The following GRIA1 variants were observed in gnomAD, a reference collection of about 807,000 sequenced individuals.
The protein encoded by GRIA1 is glutamate ionotropic receptor AMPA type subunit 1.
Under a neutral mutation model 99.2 loss-of-function variants are expected in GRIA1, and 31 were observed. The ratio of observed to expected loss-of-function variants is 0.31; its 90% CI spans 0.23 to 0.42. The LOEUF (loss-of-function observed/expected upper bound fraction) is 0.42. GRIA1 is among the 10% of genes least tolerant of loss of function. The probability of loss-of-function intolerance (pLI) is 1.00; values close to 1 mark genes in which losing one functional copy is unlikely to be tolerated. For missense variants in GRIA1, 782 were observed against 1,157.5 expected, an observed-to-expected ratio of 0.68 and a Z score of 4.71; for synonymous variants, 438 against 432.4, an observed-to-expected ratio of 1.01 and a Z score of -0.16.
intron 5 of GRIA1, among the ~76,000 whole-genome samples, chr5:153,659,246 A>G (rs1755184673): frequency 1.3e-5 from 2 of 152,210 alleles, no homozygotes; most frequent in Admixed American, 1.3e-4. Context: ...ACATATTCAC[A>G]TATGGTGTGT....
At chr5:153,646,840 A>T in intron 2 of GRIA1, 88 bp from the exon 3 acceptor site, 1 of 1,397,440 alleles carries the variant, frequency 7.2e-7, no homozygotes. Context: ...GATGGGTTGG[A>T]TGGATGAACT....
intron 5 of GRIA1, among the ~76,000 whole-genome samples, chr5:153,656,422 A>C (rs962457056): frequency 1.4e-4 from 13 of 95,906 alleles, no homozygotes; most frequent in African/African-American, 5.8e-4. Flanking sequence ...TATTTGTTTT[A>C]ATGTACTACA....
At chr5:153,759,071 T>C (rs1316594813) in intron 11 of GRIA1, among the ~76,000 whole-genome samples, 1 of 151,256 alleles carries the variant, frequency 6.6e-6, no homozygotes, top group Admixed American at 6.6e-5. Flanking sequence ...TATGAAAACC[T>C]ATGAGATACA....
In GRIA1 at chr5:153,641,131, C is replaced by A. The variant is rs144623094; in HGVS notation, c.221-5797C>A. ...AATTATTCCAGGAGGGGAATGAGTGCCTGAAAGTCCCCCCATTCACACATA... is the reference window on the plus strand; with the variant it reads ...AATTATTCCAGGAGGGGAATGAGTGACTGAAAGTCCCCCCATTCACACATA... On this transcript the variant is annotated intron_variant, in intron 2 of 15. Transcript: ENST00000285900. Among the ~76,000 whole-genome samples, 561 of 152,166 alleles carry A rather than the reference C, an allele frequency of 3.7e-3. 7 individuals are homozygous for A. Among genetic ancestry groups the A allele is most frequent in the African/African-American group, 0.013 (540 of 41,514 alleles).
intron 2 of GRIA1, among the ~76,000 whole-genome samples, chr5:153,517,026 A>G (rs1255570597): frequency 6.6e-6 from 1 of 152,064 alleles, no homozygotes; most frequent in Non-Finnish European, 1.5e-5. Flanking sequence ...TATGAGAGAG[A>G]GGCAGGAGGT....
chr5:153,506,726 C>T (rs983449034), intron 2 of GRIA1, among the ~76,000 whole-genome samples: 6 of 152,114 alleles, frequency 3.9e-5, no homozygotes, highest in Admixed American at 6.5e-5. Flanking sequence ...TCACAGCGCC[C>T]GCATGGAATT....
intron 11 of GRIA1, among the ~76,000 whole-genome samples, chr5:153,731,976 A>G (rs1761066082): frequency 6.6e-6 from 1 of 152,092 alleles, no homozygotes; most frequent in African/African-American, 2.4e-5. Flanking sequence ...GATTCCACAT[A>G]TAAGTGGGAT....
intron 2 of GRIA1, among the ~76,000 whole-genome samples, chr5:153,624,301 A>G (rs1347047904): frequency 1.3e-5 from 2 of 152,246 alleles, no homozygotes; most frequent in Non-Finnish European, 2.9e-5. Flanking sequence ...ACCGTGACTC[A>G]GCACAGCACA....
chr5:153,575,883 GC>G (rs1561655607), intron 2 of GRIA1, among the ~76,000 whole-genome samples: 1 of 152,184 alleles, frequency 6.6e-6, no homozygotes, highest in Non-Finnish European at 1.5e-5. Flanking sequence ...GATTTGGGAT[GC>G]TTTGTGTGAC....
intron 2 of GRIA1, among the ~76,000 whole-genome samples, chr5:153,499,401 G>T (rs192622341): frequency 6.6e-6 from 1 of 151,992 alleles, no homozygotes; most frequent in African/African-American, 2.4e-5. Flanking sequence ...AGATCATGAG[G>T]TCAGGAGATT....
At chr5:153,755,620 G>A (rs1762778106) in intron 11 of GRIA1, 1 of 152,192 alleles carries the variant, frequency 6.6e-6, no homozygotes, top group Non-Finnish European at 1.5e-5. Context: ...TCAGTCATGG[G>A]ATCGCGCCTG....
intron 2 of GRIA1, among the ~76,000 whole-genome samples, chr5:153,557,469 T>A: frequency 6.6e-6 from 1 of 152,202 alleles, no homozygotes; most frequent in South Asian, 2.1e-4. Flanking sequence ...TTACTGTAAT[T>A]TTTTACTGTA....
intron 12 of GRIA1, among the ~76,000 whole-genome samples, chr5:153,766,420 G>A (rs1763522995): frequency 1.3e-5 from 2 of 152,124 alleles, no homozygotes; most frequent in South Asian, 4.1e-4. Context: ...ACTTAACAAT[G>A]CTCTCATCCT....
chr5:153,640,870 CT>C (rs1380874569), intron 2 of GRIA1, among the ~76,000 whole-genome samples: 1 of 152,104 alleles, frequency 6.6e-6, no homozygotes, highest in Non-Finnish European at 1.5e-5. Flanking sequence ...GACAGACACC[CT>C]GGATGTGTCT....
At chr5:153,712,321 A>T (rs554604627) in intron 11 of GRIA1, among the ~76,000 whole-genome samples, 1 of 152,270 alleles carries the variant, frequency 6.6e-6, no homozygotes, top group East Asian at 1.9e-4. Context: ...AAGTGCTGGG[A>T]TTACAGGCAT....
chr5:153,696,951 A>C (rs1050006791), intron 8 of GRIA1, among the ~76,000 whole-genome samples: 1 of 152,064 alleles, frequency 6.6e-6, no homozygotes, highest in Non-Finnish European at 1.5e-5. Flanking sequence ...TGTAGTCTAC[A>C]CTGCTTAGCC....
intron 2 of GRIA1, among the ~76,000 whole-genome samples, chr5:153,515,108 A>C (rs1453099846): frequency 6.6e-6 from 1 of 152,194 alleles, no homozygotes; most frequent in East Asian, 1.9e-4. Flanking sequence ...ATCATGGTAA[A>C]CATCTAAAGT....
At chr5:153,729,256 G>A (rs1160263208) in intron 11 of GRIA1, among the ~76,000 whole-genome samples, 4 of 151,828 alleles carry the variant, frequency 2.6e-5, no homozygotes, top group African/African-American at 9.7e-5. Context: ...AGGGGGGAGC[G>A]ATAGCATTAG....
At chr5:153,714,200 A>T (rs1051982485) in intron 11 of GRIA1, among the ~76,000 whole-genome samples, 11 of 152,158 alleles carry the variant, frequency 7.2e-5, no homozygotes, top group African/African-American at 2.7e-4. Context: ...AGTCATTGCC[A>T]TGGGAACTCC....
Sources: allele counts gnomAD v4.1 joint callset (sites outside exome capture counted in the v4.1 genomes callset), GRCh38; gene constraint gnomAD v4.1.1; transcripts MANE v1.5; gene names NCBI Gene and HGNC (gene_info 2026-07-23, HGNC 2026-07-21).